PPFIA2: variants seen among roughly 807,000 people sequenced by gnomAD.
PPFIA2 encodes the protein liprin-alpha-2.
PPFIA2 carries 46 observed loss-of-function variants against 175.5 expected under a neutral mutation model. That is an observed-to-expected ratio of 0.26 (90% confidence interval 0.21 to 0.34). PPFIA2 has a LOEUF of 0.34. PPFIA2 is among the 10% of genes least tolerant of loss of function. PPFIA2 has a pLI of 1.00. For missense variants in PPFIA2, 1,179 were observed against 1,506.1 expected, an observed-to-expected ratio of 0.78 and a Z score of 3.60; for synonymous variants, 568 against 511.4, an observed-to-expected ratio of 1.11 and a Z score of -1.49.
At chr12:81,523,732 T>G (rs943450719) in intron 4 of PPFIA2, among the ~76,000 whole-genome samples, 1 of 152,034 alleles carries the variant, frequency 6.6e-6, no homozygotes, top group Non-Finnish European at 1.5e-5. Context: ...ACACGAAAAT[T>G]TTCTACTAAC....
intron 4 of PPFIA2, among the ~76,000 whole-genome samples, chr12:81,629,370 C>CAAT (rs1339930711): frequency 1.3e-5 from 2 of 151,924 alleles, no homozygotes; most frequent in Non-Finnish European, 2.9e-5. Flanking sequence ...TTCAGTAAAT[C>CAAT]AATAATTAGT....
At chr12:81,401,165 T>C (rs554074388) in intron 8 of PPFIA2, among the ~76,000 whole-genome samples, 1 of 152,248 alleles carries the variant, frequency 6.6e-6, no homozygotes, top group South Asian at 2.1e-4. Flanking sequence ...AACTGTCTTA[T>C]CATCATTATA....
intron 4 of PPFIA2, among the ~76,000 whole-genome samples, chr12:81,642,212 C>A (rs193276260): frequency 2.0e-5 from 3 of 151,880 alleles, no homozygotes; most frequent in African/African-American, 7.3e-5. Flanking sequence ...GACTTATACA[C>A]ATATATACAC....
chr12:81,532,198 C>A (rs1210728702), intron 4 of PPFIA2, among the ~76,000 whole-genome samples: 1 of 151,766 alleles, frequency 6.6e-6, no homozygotes, highest in African/African-American at 2.4e-5. Context: ...TTTAAAGATT[C>A]CCACTAGCAA....
intron 4 of PPFIA2, among the ~76,000 whole-genome samples, chr12:81,628,504 G>A (rs1402431037): frequency 6.7e-6 from 1 of 149,070 alleles, no homozygotes; most frequent in African/African-American, 2.5e-5. Flanking sequence ...AGCCTCCTAA[G>A]TAGCTGGGAC....
chr12:81,585,871 T>C (rs1295840779), intron 4 of PPFIA2, among the ~76,000 whole-genome samples: 4 of 151,984 alleles, frequency 2.6e-5, no homozygotes, highest in Non-Finnish European at 5.9e-5. Context: ...TATACTTTTA[T>C]ATGACTTGCA....
chr12:81,733,209 T>C (rs2081143904), intron 3 of PPFIA2, among the ~76,000 whole-genome samples: 1 of 151,608 alleles, frequency 6.6e-6, no homozygotes, highest in African/African-American at 2.4e-5. Context: ...TCTCTCTTTT[T>C]AGGTTTTAGG....
At chr12:81,419,403 G>T (rs1187184284) in intron 7 of PPFIA2, among the ~76,000 whole-genome samples, 2 of 152,002 alleles carry the variant, frequency 1.3e-5, no homozygotes. Flanking sequence ...ATCCATAAGT[G>T]TTATTATTGT....
At chr12:81,429,806 T>A (rs768002956) in intron 7 of PPFIA2, among the ~76,000 whole-genome samples, 1 of 152,108 alleles carries the variant, frequency 6.6e-6, no homozygotes, top group Non-Finnish European at 1.5e-5. Flanking sequence ...CCATGTTGTT[T>A]CAGTTGATAA....
intron 22 of PPFIA2, among the ~76,000 whole-genome samples, chr12:81,315,480 G>C (rs2052110312): frequency 6.6e-6 from 1 of 151,662 alleles, no homozygotes; most frequent in Non-Finnish European, 1.5e-5. Flanking sequence ...TAATGCACTG[G>C]AAAAGGATAG....
chr12:81,611,914 G>A (rs2060958919), intron 4 of PPFIA2, among the ~76,000 whole-genome samples: 1 of 152,058 alleles, frequency 6.6e-6, no homozygotes, highest in African/African-American at 2.4e-5. Context: ...TGGGGAGACT[G>A]AACCAAATCT....
At chr12:81,678,739 A>G (rs2073052030) in intron 3 of PPFIA2, among the ~76,000 whole-genome samples, 1 of 151,912 alleles carries the variant, frequency 6.6e-6, no homozygotes. Flanking sequence ...ATAATGGTAG[A>G]GTTTAAGTCC....
At chr12:81,667,295 C>A (rs962778259) in intron 4 of PPFIA2, among the ~76,000 whole-genome samples, 2 of 152,078 alleles carry the variant, frequency 1.3e-5, no homozygotes, top group Admixed American at 1.3e-4. Context: ...CATCACTTTA[C>A]CTCAACGAAA....
chr12:81,685,441 C>A (rs886922200), intron 3 of PPFIA2, among the ~76,000 whole-genome samples: 2 of 152,050 alleles, frequency 1.3e-5, no homozygotes, highest in Non-Finnish European at 2.9e-5. Context: ...GGGGAAATAT[C>A]TCTTTCTTTA....
chr12:81,372,471 T>C (rs2141597325), intron 11 of PPFIA2, among the ~76,000 whole-genome samples: 1 of 141,490 alleles, frequency 7.1e-6, no homozygotes, highest in African/African-American at 2.6e-5. Flanking sequence ...AAAAAGACTA[T>C]GATGATCCAT....
At chr12:81,405,327 C>T (rs924936329) in intron 8 of PPFIA2, among the ~76,000 whole-genome samples, 10 of 152,058 alleles carry the variant, frequency 6.6e-5, no homozygotes, top group South Asian at 2.1e-4. Flanking sequence ...CAACAATTTT[C>T]GCAGTCATAA....
Position 81,258,380 on chromosome 12 carries a change from T to C in PPFIA2, c.*1314A>G, listed in dbSNP as rs979302785. ...AACAAATGTAATGTACGTGCAAACA[T>C]AGCAAATTAAAATACAGAAAAGAAA... On this transcript the variant is annotated 3_prime_UTR_variant, in exon 33 of 33. Transcript: ENST00000549396. 6.6e-6 allele frequency: 1 copy of C among 152,118 alleles called. No homozygotes were observed. The highest frequency in any genetic ancestry group is 6.6e-5 in the Admixed American group (1 of 15,252). The allele number at this position is 152,118 out of a possible 1,614,324, so 9.4% of individuals were successfully genotyped here.
At chr12:81,600,824 G>GA (rs1217355593) in intron 4 of PPFIA2, among the ~76,000 whole-genome samples, 1 of 151,820 alleles carries the variant, frequency 6.6e-6, no homozygotes, top group Admixed American at 6.6e-5. Flanking sequence ...GAAGTTTTAA[G>GA]AAAAAAGAAT....
intron 7 of PPFIA2, among the ~76,000 whole-genome samples, chr12:81,439,283 A>T (rs1218963294): frequency 1.3e-5 from 2 of 150,170 alleles, no homozygotes; most frequent in Non-Finnish European, 3.0e-5. Context: ...ATAAATATAT[A>T]TATATATAGT....
Sources: gnomAD v4.1 joint callset for allele counts (sites outside exome capture counted in the v4.1 genomes callset) on GRCh38, gnomAD v4.1.1 for gene constraint, MANE v1.5 for transcripts, NCBI Gene and HGNC (gene_info 2026-07-23, HGNC 2026-07-21) for gene names.